The following WDR72 variants were observed in gnomAD, a reference collection of about 807,000 sequenced individuals.
WDR72 encodes WD repeat domain 72.
In WDR72, 120 loss-of-function variants were observed where a neutral mutation model predicts 124.2. That is an observed-to-expected ratio of 0.97 (90% CI 0.83 to 1.12). The LOEUF (loss-of-function observed/expected upper bound fraction) is 1.12. Ranked by LOEUF, WDR72 falls within the 50% of genes most tolerant of loss-of-function variation. The probability of loss-of-function intolerance (pLI) is 0.00; values close to 1 mark genes in which losing one functional copy is unlikely to be tolerated. For missense variants in WDR72, 1,387 were observed against 1,278.8 expected, an observed-to-expected ratio of 1.08 and a Z score of -1.29; for synonymous variants, 452 against 441.7, an observed-to-expected ratio of 1.02 and a Z score of -0.29.
intron 14 of WDR72, among the ~76,000 whole-genome samples, chr15:53,659,949 T>A (rs1193586617): frequency 6.6e-6 from 1 of 152,050 alleles, no homozygotes; most frequent in African/African-American, 2.4e-5. Flanking sequence ...TCAAAATACT[T>A]AAAACAGAAA....
chr15:53,564,131 T>C (rs1484742753), intron 18 of WDR72, among the ~76,000 whole-genome samples: 1 of 151,820 alleles, frequency 6.6e-6, no homozygotes, highest in Non-Finnish European at 1.5e-5. Context: ...CCAGCTGTTT[T>C]AACAGTCATT....
intron 13 of WDR72, among the ~76,000 whole-genome samples, chr15:53,689,561 AAAC>A (rs1478553995): frequency 2.0e-5 from 3 of 148,226 alleles, no homozygotes; most frequent in African/African-American, 7.7e-5. Flanking sequence ...AAAAGTCAGG[AAAC>A]AACAGGTGCT....
At chr15:53,682,575 G>A (rs1277149164) in intron 13 of WDR72, among the ~76,000 whole-genome samples, 2 of 151,866 alleles carry the variant, frequency 1.3e-5, no homozygotes, top group Non-Finnish European at 2.9e-5. Context: ...GAATAATCCA[G>A]GTCACCTCTT....
intron 18 of WDR72, among the ~76,000 whole-genome samples, chr15:53,576,347 T>A (rs1206460729): frequency 6.6e-6 from 1 of 152,122 alleles, no homozygotes; most frequent in East Asian, 1.9e-4. Context: ...AGCAGTAAGA[T>A]GAACATTCTG....
intron 9 of WDR72, among the ~76,000 whole-genome samples, chr15:53,708,746 A>G (rs930721283): frequency 3.3e-5 from 5 of 152,120 alleles, no homozygotes; most frequent in African/African-American, 1.2e-4. Flanking sequence ...TTTATTTGCA[A>G]TTCTTAGGCT....
chr15:53,577,362 G>C (rs1429138030), intron 18 of WDR72, among the ~76,000 whole-genome samples: 1 of 152,102 alleles, frequency 6.6e-6, no homozygotes, highest in Non-Finnish European at 1.5e-5. Context: ...TATCATTGAA[G>C]TCTCAGACCA....
At chr15:53,740,696 T>C (rs749039301) in intron 1 of WDR72, among the ~76,000 whole-genome samples, 32 of 152,348 alleles carry the variant, frequency 2.1e-4, no homozygotes, top group African/African-American at 5.3e-4. Flanking sequence ...GCTTTGAAGA[T>C]AGGGACAAAA....
chr15:53,720,807 C>A (rs1406058603), intron 3 of WDR72, among the ~76,000 whole-genome samples: 1 of 152,020 alleles, frequency 6.6e-6, no homozygotes, highest in African/African-American at 2.4e-5. Flanking sequence ...TTTTCATTAT[C>A]CTAGAATTTT....
At chr15:53,633,258 T>C (rs1403029947) in intron 14 of WDR72, among the ~76,000 whole-genome samples, 1 of 152,120 alleles carries the variant, frequency 6.6e-6, no homozygotes, top group Admixed American at 6.6e-5. Context: ...GATACGGTTG[T>C]TTAAAAAGTG....
chr15:53,544,663 G>C (rs1040843453), intron 18 of WDR72, among the ~76,000 whole-genome samples: 6 of 145,952 alleles, frequency 4.1e-5, no homozygotes, highest in African/African-American at 1.6e-4. Context: ...TCTGGCCAGG[G>C]CAATTAGGCA....
At chr15:53,749,881 AT>A (rs968487406) in intron 1 of WDR72, among the ~76,000 whole-genome samples, 28 of 152,152 alleles carry the variant, frequency 1.8e-4, no homozygotes, top group African/African-American at 6.5e-4. Context: ...ACTCTCCTCA[AT>A]TTTATGAAGG....
At chr15:53,668,977 GAGAAGGAGA>G (rs1299407309) in intron 13 of WDR72, among the ~76,000 whole-genome samples, 8 of 120,656 alleles carry the variant, frequency 6.6e-5, no homozygotes, top group Non-Finnish European at 1.1e-4. Context: ...GGAGGAGGAG[GAGAAGGAGA>G]AGGAGGAGGA....
intron 13 of WDR72, 70 bp downstream of exon 13, chr15:53,699,680 C>T (rs1156920934): frequency 6.4e-7 from 1 of 1,555,202 alleles, no homozygotes; most frequent in Non-Finnish European, 8.8e-7. Flanking sequence ...TTCTCTGAAA[C>T]TTTCCATCTG....
At chr15:53,561,923 C>A (rs1396386365) in intron 18 of WDR72, among the ~76,000 whole-genome samples, 1 of 151,696 alleles carries the variant, frequency 6.6e-6, no homozygotes, top group Non-Finnish European at 1.5e-5. Context: ...TTTTGTTTAT[C>A]TTTTTATGGT....
intron 2 of WDR72, 107 bp from the exon 3 acceptor site, chr15:53,723,015 T>C (rs1231383833): frequency 1.1e-5 from 12 of 1,096,148 alleles, no homozygotes; most frequent in Non-Finnish European, 1.5e-5. Flanking sequence ...GTTGTTTTTG[T>C]TGTATACAAG....
In WDR72 at chr15:53,711,006, T is replaced by G. The variant is rs954399110; in HGVS notation, c.858-53A>C. ...TTAGAACTTTGAGGTTCTTTATTCG[T>G]TTTTTTTCCCCCTCCCACTTTCAAA... On this transcript the variant is annotated intron_variant, in intron 8 of 19. Transcript: ENST00000360509. 1.4e-5 allele frequency: 20 copies of G among 1,468,580 alleles called. No homozygotes were observed. In the African/African-American group the frequency reaches 2.8e-4, roughly 20 times the overall value. The allele number at this position is 1,468,580 out of a possible 1,614,324, so 91.0% of individuals were successfully genotyped here.
At chr15:53,639,753 A>G (rs2014778305) in intron 14 of WDR72, among the ~76,000 whole-genome samples, 1 of 151,944 alleles carries the variant, frequency 6.6e-6, no homozygotes, top group Non-Finnish European at 1.5e-5. Flanking sequence ...CCTAACACCC[A>G]TCTACAGAAA....
chr15:53,580,461 C>A (rs1193700292), intron 18 of WDR72, among the ~76,000 whole-genome samples: 1 of 151,952 alleles, frequency 6.6e-6, no homozygotes, highest in Non-Finnish European at 1.5e-5. Flanking sequence ...GTGTAATAGC[C>A]ATTTGCAAAA....
chr15:53,592,193 A>G (rs1013024645), intron 18 of WDR72, among the ~76,000 whole-genome samples: 1 of 152,192 alleles, frequency 6.6e-6, no homozygotes, highest in East Asian at 1.9e-4. Context: ...GAGGCCTTCT[A>G]TGATGTGTCC....
Sources: gnomAD v4.1 joint callset for allele counts (sites outside exome capture counted in the v4.1 genomes callset) on GRCh38, gnomAD v4.1.1 for gene constraint, MANE v1.5 for transcripts, NCBI Gene and HGNC (gene_info 2026-07-23, HGNC 2026-07-21) for gene names.